Variants in MARCHF1 observed in about 807,000 individuals in gnomAD.
MARCHF1 encodes the protein E3 ubiquitin-protein ligase MARCHF1.
In MARCHF1, 40 loss-of-function variants were observed where a neutral mutation model predicts 54.2. That is an observed-to-expected ratio of 0.74 (90% CI 0.57 to 0.96). The LOEUF is 0.96. MARCHF1 is among the 40% of genes least tolerant of loss of function. The probability of loss-of-function intolerance (pLI) is 0.00; values close to 1 mark genes in which losing one functional copy is unlikely to be tolerated. For synonymous variants in MARCHF1, 236 were observed against 236.3 expected (o/e 1.00, Z 0.01); for missense variants, 586 against 656.5 (o/e 0.89, Z 1.17).
chr4:164,084,096 T>G (rs190838213), intron 2 of MARCHF1, among the ~76,000 whole-genome samples: 35 of 152,106 alleles, frequency 2.3e-4, no homozygotes, highest in Admixed American at 1.8e-3. Context: ...ATGTGACTTA[T>G]CCCATTTCAT....
intron 4 of MARCHF1, among the ~76,000 whole-genome samples, chr4:163,777,794 T>C (rs558101235): frequency 1.3e-5 from 2 of 152,290 alleles, no homozygotes; most frequent in South Asian, 2.1e-4. Context: ...TACAATAAAA[T>C]TGAGCAATTT....
At chr4:164,046,739 A>T (rs1754251454) in intron 2 of MARCHF1, among the ~76,000 whole-genome samples, 1 of 152,196 alleles carries the variant, frequency 6.6e-6, no homozygotes. Context: ...TACAAATGAG[A>T]AGTCTAATGA....
intron 1 of MARCHF1, chr4:164,190,062 G>A (rs1731084219): frequency 1.4e-6 from 2 of 1,389,846 alleles, no homozygotes; most frequent in African/African-American, 1.4e-5. Context: ...TACTACAAAT[G>A]AGCTGGAAAG....
intron 5 of MARCHF1, among the ~76,000 whole-genome samples, chr4:163,692,039 C>T (rs1193352669): frequency 2.6e-5 from 4 of 152,204 alleles, no homozygotes; most frequent in Admixed American, 1.3e-4. Context: ...AGGTTCCCTA[C>T]GGGATCAGGA....
At chr4:164,369,309 C>T (rs1470973836) in intron 1 of MARCHF1, among the ~76,000 whole-genome samples, 5 of 152,116 alleles carry the variant, frequency 3.3e-5, no homozygotes, top group African/African-American at 1.2e-4. Flanking sequence ...CACTACCGTG[C>T]TATGGACTGG....
chr4:163,766,830 A>C (rs1746990810), intron 4 of MARCHF1, among the ~76,000 whole-genome samples: 1 of 152,178 alleles, frequency 6.6e-6, no homozygotes, highest in Non-Finnish European at 1.5e-5. Context: ...CCAAGCCATA[A>C]TTTTATGAAA....
intron 2 of MARCHF1, among the ~76,000 whole-genome samples, chr4:164,104,441 G>T (rs1185148426): frequency 1.9e-5 from 1 of 53,048 alleles, no homozygotes; most frequent in African/African-American, 4.7e-5. Flanking sequence ...TTCATCCCTG[G>T]GATGCAAGGC....
chr4:163,829,236 C>T (rs927690898), intron 4 of MARCHF1: 1 of 152,160 alleles, frequency 6.6e-6, no homozygotes, highest in Non-Finnish European at 1.5e-5. Context: ...TAAAAAGCTA[C>T]TTTACTCAGA....
intron 2 of MARCHF1, among the ~76,000 whole-genome samples, chr4:164,042,796 A>C (rs544322825): frequency 6.6e-6 from 1 of 152,324 alleles, no homozygotes; most frequent in East Asian, 1.9e-4. Context: ...GTTACTTCCA[A>C]GATACAATGG....
chr4:164,144,005 G>A (rs970140599), intron 1 of MARCHF1, among the ~76,000 whole-genome samples: 1 of 151,794 alleles, frequency 6.6e-6, no homozygotes, highest in Admixed American at 6.6e-5. Flanking sequence ...AAAACAAAAA[G>A]GCAGGGGTTG....
chr4:164,366,489 G>T (rs1730883798), intron 1 of MARCHF1, among the ~76,000 whole-genome samples: 1 of 151,712 alleles, frequency 6.6e-6, no homozygotes, highest in African/African-American at 2.4e-5. Flanking sequence ...AAGTTCCTAG[G>T]AGGAAGCAGT....
chr4:163,822,211 A>G (rs1748712203), intron 4 of MARCHF1, among the ~76,000 whole-genome samples: 1 of 151,912 alleles, frequency 6.6e-6, no homozygotes, highest in Non-Finnish European at 1.5e-5. Context: ...TTTTTTAATG[A>G]ACATTCACTC....
intron 2 of MARCHF1, among the ~76,000 whole-genome samples, chr4:164,010,062 CTTTT>C (rs35143590): frequency 1.4e-4 from 14 of 98,568 alleles, no homozygotes; most frequent in Non-Finnish European, 1.8e-4. Context: ...TCAAAAAACT[CTTTT>C]TTTTTTTTTT....
chr4:163,632,666 G>A (rs1209749489), intron 5 of MARCHF1, among the ~76,000 whole-genome samples: 1 of 152,200 alleles, frequency 6.6e-6, no homozygotes, highest in Non-Finnish European at 1.5e-5. Context: ...AGCGAGGCTG[G>A]GGGAGGGGCG....
At chr4:164,027,270 A>C (rs920105891) in intron 2 of MARCHF1, among the ~76,000 whole-genome samples, 4 of 150,938 alleles carry the variant, frequency 2.7e-5, no homozygotes, top group Non-Finnish European at 5.9e-5. Context: ...AAGAGCCCCA[A>C]TAGCCAAAGC....
intron 1 of MARCHF1, among the ~76,000 whole-genome samples, chr4:164,213,848 G>A (rs1009461898): frequency 2.6e-5 from 4 of 151,828 alleles, no homozygotes; most frequent in Non-Finnish European, 5.9e-5. Flanking sequence ...TTTGGAGTTT[G>A]AAACTTCAGG....
At chr4:163,660,874 TTTCTC>T (rs1161625506) in intron 5 of MARCHF1, among the ~76,000 whole-genome samples, 28 of 152,162 alleles carry the variant, frequency 1.8e-4, no homozygotes, top group African/African-American at 6.5e-4. Flanking sequence ...TTCCCCATTC[TTTCTC>T]ATCTATTATG....
chr4:164,293,709 A>G (rs78576674), intron 1 of MARCHF1, among the ~76,000 whole-genome samples: 4,651 of 152,336 alleles, frequency 0.031, 190 homozygotes, highest in East Asian at 0.16. Flanking sequence ...TTGCTAGCAC[A>G]TAGAATCGAG....
At chr4:163,747,829 G>A (rs964266585) in intron 4 of MARCHF1, among the ~76,000 whole-genome samples, 2 of 152,186 alleles carry the variant, frequency 1.3e-5, no homozygotes, top group Non-Finnish European at 2.9e-5. Flanking sequence ...GACAACTGCT[G>A]GGTCTGTCCC....
Sources: gnomAD v4.1 joint callset for allele counts (sites outside exome capture counted in the v4.1 genomes callset) on GRCh38, gnomAD v4.1.1 for gene constraint, MANE v1.5 for transcripts, NCBI Gene and HGNC (gene_info 2026-07-23, HGNC 2026-07-21) for gene names.